RXFP1: variants seen among roughly 807,000 people sequenced by gnomAD.
RXFP1 encodes the protein relaxin family peptide receptor 1, also known as relaxin receptor 1.
Under a neutral mutation model 89.8 loss-of-function variants are expected in RXFP1, and 73 were observed. The observed-to-expected ratio is 0.81, with a 90% CI of 0.67 to 0.99. RXFP1 has a LOEUF of 0.99. Among genes scored for constraint, RXFP1 ranks in the 50% least tolerant of loss-of-function variants. The pLI is 0.00. For missense variants in RXFP1, 793 were observed against 895.5 expected (o/e 0.89, Z 1.46); for synonymous variants, 277 against 305.5 (o/e 0.91, Z 0.97).
intron 9 of RXFP1, among the ~76,000 whole-genome samples, chr4:158,622,920 A>G (rs1479969718): frequency 6.6e-6 from 1 of 152,206 alleles, no homozygotes; most frequent in African/African-American, 2.4e-5. Context: ...GGTTGTAGTA[A>G]TCAGTTTACT....
At chr4:158,647,334 T>C (rs1771765188) in intron 16 of RXFP1, 133 bp downstream of exon 16, 1 of 692,322 alleles carries the variant, frequency 1.4e-6, no homozygotes, top group Admixed American at 3.1e-5. Context: ...TACTCTGATA[T>C]AAATTCCAAC....
intron 2 of RXFP1, among the ~76,000 whole-genome samples, chr4:158,578,208 T>C (rs1360418770): frequency 6.6e-6 from 1 of 152,248 alleles, no homozygotes; most frequent in South Asian, 2.1e-4. Flanking sequence ...CAATTTTATA[T>C]CATTCCCATA....
Position 158,521,968 on chromosome 4 carries a change from T to TAG in RXFP1, c.-7_-6dup. 6.2e-7 allele frequency: 1 copy of TAG among 1,607,642 alleles called. No homozygotes were observed. The highest frequency in any genetic ancestry group is 1.1e-5 in the South Asian group (1 of 90,370). ...CACTTTCATTAATCAGTTGCTCAGA[T>TAG]AGAAGGAAATGACATCTGGTTCTGT... is the stretch of plus-strand genomic sequence containing the variant. On this transcript the variant is annotated 5_prime_UTR_variant, in exon 1 of 18. Transcript: ENST00000307765.
chr4:158,612,079 G>T, intron 6 of RXFP1, 51 bp from the exon 7 acceptor site: 2 of 1,409,976 alleles, frequency 1.4e-6, no homozygotes, highest in Non-Finnish European at 2.0e-6. Flanking sequence ...TTTTCTTATT[G>T]TAAGACATCA....
intron 1 of RXFP1, among the ~76,000 whole-genome samples, chr4:158,544,682 G>C (rs1747767775): frequency 6.6e-6 from 1 of 151,742 alleles, no homozygotes; most frequent in African/African-American, 2.4e-5. Context: ...CCACCTATGA[G>C]TGAGAACATG....
intron 1 of RXFP1, among the ~76,000 whole-genome samples, chr4:158,560,133 C>G (rs964082092): frequency 1.3e-5 from 2 of 152,210 alleles, no homozygotes; most frequent in African/African-American, 4.8e-5. Context: ...CTGAGACCAT[C>G]CTATTACACT....
chr4:158,650,431 A>AT (rs1240572578), intron 17 of RXFP1, among the ~76,000 whole-genome samples: 9 of 140,884 alleles, frequency 6.4e-5, no homozygotes, highest in African/African-American at 2.5e-4. Flanking sequence ...AAATATATAT[A>AT]AATATATATA....
At position 158,628,696 on chromosome 4, in the gene RXFP1, A is replaced by C. The variant is rs772393599; in HGVS notation, c.886A>C (p.Lys296Gln). The change falls in exon 11 of 18, where the codon AAA becomes CAA. Residue 296 changes from lysine (K) to glutamine (Q), a missense_variant. Physicochemically the swap from Lys to Gln is moderately conservative, Grantham distance 53. Coordinates refer to ENST00000307765, the MANE Select transcript of RXFP1 (RefSeq NM_021634.4). ...LNENTFAPLQ[K>Q]LDELDLGSNK... is the part of the protein sequence containing the mutation. ...TGAAAATACTTTTGCACCTCTCCAGAAACTGGATGAATTGTAAGTATGACT... is the reference window on the plus strand; with the variant it reads ...TGAAAATACTTTTGCACCTCTCCAGCAACTGGATGAATTGTAAGTATGACT... 6.4e-7 allele frequency: 1 copy of C among 1,569,562 alleles called. No individual in the cohort carries two copies. Among genetic ancestry groups the C allele is most frequent in the Non-Finnish European group, 8.7e-7 (1 of 1,143,228 alleles).
chr4:158,626,672 C>T, intron 9 of RXFP1, 148 bp from the exon 10 acceptor site: 3 of 434,286 alleles, frequency 6.9e-6, no homozygotes, highest in East Asian at 4.1e-5. Flanking sequence ...ATAATTTCAG[C>T]TGTAATAGAA....
chr4:158,617,251 T>G (rs772830959), intron 9 of RXFP1, 46 bp downstream of exon 9: 1 of 1,389,088 alleles, frequency 7.2e-7, no homozygotes, highest in Non-Finnish European at 1.0e-6. Flanking sequence ...AAATTTTCTG[T>G]TTTTACCTAA....
rs1354478368 is a variant in RXFP1 at position 158,652,498 on chromosome 4, C to T, written c.*443C>T. 1 of 152,922 alleles carries T rather than the reference C, an allele frequency of 6.5e-6. No individual in the cohort carries two copies. Among genetic ancestry groups the T allele is most frequent in the Non-Finnish European group, 1.5e-5 (1 of 68,598 alleles). The allele number at this position is 152,922 out of a possible 1,614,324, so 9.5% of individuals were successfully genotyped here. A position where few individuals can be genotyped will look rare whatever the true frequency, so the allele number is the denominator to read the frequency against. On this transcript the variant is annotated 3_prime_UTR_variant, in exon 18 of 18. Transcript: ENST00000307765. ...CATGTGCATCAGCAAGAATCATAGG[C>T]ACTTTTAAATAAAGGTTTAAAGTTT...
At chr4:158,598,853 G>A (rs1761132910) in intron 3 of RXFP1, among the ~76,000 whole-genome samples, 1 of 151,368 alleles carries the variant, frequency 6.6e-6, no homozygotes, top group African/African-American at 2.4e-5. Context: ...ACTATCATTT[G>A]CCTTTAGTTC....
chr4:158,620,174 A>G (rs909881825), intron 9 of RXFP1, among the ~76,000 whole-genome samples: 1 of 152,222 alleles, frequency 6.6e-6, no homozygotes, highest in African/African-American at 2.4e-5. Context: ...GAGAAACAAA[A>G]AATTATTTCA....
At chr4:158,648,380 C>T (rs1051595668) in intron 16 of RXFP1, 119 bp from the exon 17 acceptor site, 2 of 659,622 alleles carry the variant, frequency 3.0e-6, no homozygotes, top group Non-Finnish European at 4.8e-6. Flanking sequence ...ACATTATAGT[C>T]TTTGTATCTT....
rs1437265254 is a variant in RXFP1 at position 158,612,316 on chromosome 4, C to T, written c.634C>T (p.Arg212Ter). The T allele has an allele frequency of 5.0e-6, 8 of 1,612,090 alleles. No individual in the cohort carries two copies. The highest frequency in any genetic ancestry group is 6.8e-6 in the Non-Finnish European group (8 of 1,178,926). The change falls in exon 8 of 18, where the codon CGA (arginine) becomes TGA (stop). Residue 212 changes from arginine (R) to a stop codon, truncating the protein, a stop_gained. Coordinates refer to ENST00000307765, the MANE Select transcript of RXFP1 (RefSeq NM_021634.4). LOFTEE classifies it high-confidence loss of function. The stretch of plus-strand genomic sequence containing the variant: ...GATAATTGAAGATAATCACCTCAGT[C>T]GAATTTCCCCACCAACATTTTATGG... ...WLIIEDNHLS[R>*]ISPPTFYGLN... is the part of the protein sequence containing the mutation.
intron 1 of RXFP1, among the ~76,000 whole-genome samples, chr4:158,526,695 T>C (rs1742583864): frequency 6.6e-6 from 1 of 152,242 alleles, no homozygotes; most frequent in Non-Finnish European, 1.5e-5. Flanking sequence ...TAGATTCATT[T>C]TATAATTATT....
intron 1 of RXFP1, among the ~76,000 whole-genome samples, chr4:158,549,221 C>T (rs1216052823): frequency 2.6e-5 from 4 of 151,992 alleles, no homozygotes; most frequent in African/African-American, 9.7e-5. Flanking sequence ...TCACTGATAC[C>T]CTTTCTTCCA....
chr4:158,535,170 G>T (rs1038350737), intron 1 of RXFP1, among the ~76,000 whole-genome samples: 19 of 152,052 alleles, frequency 1.2e-4, no homozygotes, highest in Non-Finnish European at 7.4e-5. Context: ...AGGTCATGGA[G>T]ACAGGAAAGG....
chr4:158,587,898 C>T (rs947791790), intron 2 of RXFP1, among the ~76,000 whole-genome samples: 4 of 152,122 alleles, frequency 2.6e-5, no homozygotes, highest in Admixed American at 6.5e-5. Context: ...GGGCTAAATG[C>T]TAGCATTCAG....
Sources: gnomAD v4.1 joint callset for allele counts (sites outside exome capture counted in the v4.1 genomes callset) on GRCh38, gnomAD v4.1.1 for gene constraint, MANE v1.5 for transcripts, NCBI Gene and HGNC (gene_info 2026-07-23, HGNC 2026-07-21) for gene names.